SDK1: variants seen among roughly 807,000 people sequenced by gnomAD.
The protein encoded by SDK1 is protein sidekick-1.
A neutral mutation model predicts 245.5 loss-of-function variants in SDK1; 157 were observed. The ratio of observed to expected loss-of-function variants is 0.64; its 90% CI spans 0.56 to 0.73. The LOEUF is 0.73. SDK1 is among the 30% of genes least tolerant of loss of function. The pLI is 0.00. For missense variants in SDK1, 3,583 were observed against 3,002.3 expected (o/e 1.19, Z -4.52); for synonymous variants, 1,647 against 1,278.5 (o/e 1.29, Z -6.15).
intron 5 of SDK1, among the ~76,000 whole-genome samples, chr7:3,882,773 A>G (rs534895315): frequency 2.1e-4 from 32 of 151,920 alleles, no homozygotes; most frequent in Non-Finnish European, 3.5e-4. Flanking sequence ...CCTGGAAACC[A>G]CTTTGTTAGC....
chr7:3,503,436 T>C (rs1782280866), intron 1 of SDK1, among the ~76,000 whole-genome samples: 1 of 152,004 alleles, frequency 6.6e-6, no homozygotes, highest in Admixed American at 6.6e-5. Flanking sequence ...TCTCAACAAG[T>C]TTTGAGGCCA....
chr7:3,691,936 C>G (rs1784447504), intron 4 of SDK1, among the ~76,000 whole-genome samples: 1 of 152,072 alleles, frequency 6.6e-6, no homozygotes, highest in Admixed American at 6.6e-5. Flanking sequence ...TCACTATGAC[C>G]TTGCTTTTCC....
intron 2 of SDK1, among the ~76,000 whole-genome samples, chr7:3,622,251 G>A (rs1268102556): frequency 1.3e-5 from 2 of 152,186 alleles, no homozygotes; most frequent in Non-Finnish European, 2.9e-5. Context: ...GGTGAGGCAG[G>A]CGGATCATTT....
chr7:3,319,994 A>G (rs1010550494), intron 1 of SDK1, among the ~76,000 whole-genome samples: 1 of 150,620 alleles, frequency 6.6e-6, no homozygotes, highest in Middle Eastern at 3.5e-3. Flanking sequence ...TCACCTTGCC[A>G]AATAGAATTG....
At chr7:4,241,492 T>C (rs78246798) in intron 42 of SDK1, among the ~76,000 whole-genome samples, 4,286 of 151,982 alleles carry the variant, frequency 0.028, 78 homozygotes, top group Non-Finnish European at 0.032. Context: ...AAACAAAAAA[T>C]CAAAAAAAGT....
intron 2 of SDK1, among the ~76,000 whole-genome samples, chr7:3,623,746 A>G (rs987560814): frequency 5.9e-5 from 9 of 152,210 alleles, no homozygotes; most frequent in African/African-American, 2.2e-4. Context: ...CAACATATAC[A>G]TACACCTAAG....
At chr7:4,136,360 G>A (rs1026373275) in intron 28 of SDK1, among the ~76,000 whole-genome samples, 13 of 152,146 alleles carry the variant, frequency 8.5e-5, no homozygotes, top group Admixed American at 5.2e-4. Flanking sequence ...ACATCTTTTC[G>A]TCTGACTCAC....
intron 1 of SDK1, among the ~76,000 whole-genome samples, chr7:3,322,301 G>A (rs538710419): frequency 6.6e-6 from 1 of 152,088 alleles, no homozygotes; most frequent in African/African-American, 2.4e-5. Context: ...TCTGGGTTGT[G>A]TTTTGTCATT....
At chr7:4,046,735 ACTTG>A (rs1159567574) in intron 17 of SDK1, among the ~76,000 whole-genome samples, 1 of 151,948 alleles carries the variant, frequency 6.6e-6, no homozygotes, top group East Asian at 1.9e-4. Context: ...TTTTTTTCAG[ACTTG>A]CTTTGGCTAT....
chr7:4,049,632 G>A lies in SDK1; in HGVS notation c.2718+169G>A, dbSNP rs77549195. Among the ~76,000 whole-genome samples the A allele has an allele frequency of 3.6e-3, 546 of 152,332 alleles. 4 individuals are homozygous for A. Among genetic ancestry groups the A allele is most frequent in the African/African-American group, 0.012 (516 of 41,562 alleles). ...TATCCAAAGTCTTGGCATCAGCTCT[G>A]CAGGTTCAGAAATTCAAATTCCTAG... On this transcript the variant is annotated intron_variant, in intron 18 of 44. Transcript: ENST00000404826.
At chr7:3,471,692 G>A (rs1236624018) in intron 1 of SDK1, among the ~76,000 whole-genome samples, 3 of 152,178 alleles carry the variant, frequency 2.0e-5, no homozygotes, top group Admixed American at 2.0e-4. Context: ...CAAGATGAAG[G>A]ACTGATAACA....
chr7:3,659,102 C>A (rs1014873682), intron 4 of SDK1, among the ~76,000 whole-genome samples: 5 of 152,164 alleles, frequency 3.3e-5, no homozygotes, highest in African/African-American at 1.2e-4. Context: ...ATAGCCTTTA[C>A]CCAGTTGTCT....
At chr7:3,880,147 C>T (rs927007709) in intron 5 of SDK1, among the ~76,000 whole-genome samples, 2 of 152,304 alleles carry the variant, frequency 1.3e-5, no homozygotes, top group East Asian at 1.9e-4. Flanking sequence ...TGAACATGAA[C>T]ATAATGCTCG....
At chr7:3,867,538 G>A (rs1175167106) in intron 5 of SDK1, among the ~76,000 whole-genome samples, 1 of 152,170 alleles carries the variant, frequency 6.6e-6, no homozygotes, top group East Asian at 1.9e-4. Flanking sequence ...TCTTACATGG[G>A]TGGCTGCAGG....
At chr7:3,949,702 T>C (rs1484524881) in intron 5 of SDK1, among the ~76,000 whole-genome samples, 2 of 152,226 alleles carry the variant, frequency 1.3e-5, no homozygotes, top group Non-Finnish European at 2.9e-5. Flanking sequence ...TAGTTTAATT[T>C]TGATGTTAAA....
chr7:4,241,778 C>A lies in SDK1; in HGVS notation c.6131-15C>A. ...CCAGTAACACGTCTGTTCTCACTCT[C>A]CTGCTGGGCTTTAGGAAAGGGGATC... On this transcript the variant is annotated splice_polypyrimidine_tract_variant and intron_variant, in intron 42 of 44. Coordinates refer to ENST00000404826, the MANE Select transcript of SDK1 (RefSeq NM_152744.4). The A allele has an allele frequency of 1.2e-6, 2 of 1,614,004 alleles. No homozygotes were observed. The highest frequency in any genetic ancestry group is 1.7e-5 in the Admixed American group (1 of 60,014).
intron 12 of SDK1, among the ~76,000 whole-genome samples, chr7:3,972,151 C>G (rs11972137): frequency 0.059 from 8,820 of 149,816 alleles, 859 homozygotes; most frequent in African/African-American, 0.2. Flanking sequence ...ATTATCTCAG[C>G]TCACTGCAAG....
chr7:3,911,102 T>C (rs895016328), intron 5 of SDK1, among the ~76,000 whole-genome samples: 20 of 152,194 alleles, frequency 1.3e-4, no homozygotes, highest in African/African-American at 4.6e-4. Flanking sequence ...GCTGGAGGCC[T>C]CTGCAGTCTT....
At chr7:4,129,599 T>G in intron 26 of SDK1, 1 of 1,111,322 alleles carries the variant, frequency 9.0e-7, no homozygotes, top group Non-Finnish European at 1.2e-6. Flanking sequence ...AATCGAGTCT[T>G]TGTTTTAGTG....
Sources: gnomAD v4.1 joint callset for allele counts (sites outside exome capture counted in the v4.1 genomes callset) on GRCh38, gnomAD v4.1.1 for gene constraint, MANE v1.5 for transcripts, NCBI Gene and HGNC (gene_info 2026-07-23, HGNC 2026-07-21) for gene names.